Variants in ABLIM1 observed in about 807,000 individuals in gnomAD.
ABLIM1 encodes actin-binding LIM protein 1.
A neutral mutation model predicts 107.0 loss-of-function variants in ABLIM1; 40 were observed. The ratio of observed to expected loss-of-function variants is 0.37; its 90% CI spans 0.29 to 0.49. The LOEUF (loss-of-function observed/expected upper bound fraction) is 0.49, where lower values mean the gene tolerates loss of function less well. ABLIM1 is among the 20% of genes least tolerant of loss of function. The probability of loss-of-function intolerance (pLI) is 0.97; values close to 1 mark genes in which losing one functional copy is unlikely to be tolerated. For synonymous variants in ABLIM1, 357 were observed against 357.3 expected (o/e 1.00, Z 0.01); for missense variants, 857 against 1,008.5 (o/e 0.85, Z 2.04).
chr10:114,440,562 C>T (rs2060042523), intron 19 of ABLIM1, among the ~76,000 whole-genome samples: 1 of 152,156 alleles, frequency 6.6e-6, no homozygotes, highest in Non-Finnish European at 1.5e-5. Flanking sequence ...TCTCCTGCCT[C>T]AGCCTCCCAA....
Position 114,441,029 on chromosome 10 carries a change from C to G in ABLIM1, c.2047G>C (p.Gly683Arg). The G allele has an allele frequency of 6.3e-7, 1 of 1,589,960 alleles. No individual in the cohort carries two copies. Among genetic ancestry groups the G allele is most frequent in the Non-Finnish European group, 8.6e-7 (1 of 1,167,060 alleles). ...AQYNSYGDVS[G>R]GVRDYQTLPD... Reference sequence around the variant, plus strand: ...ATGGGAGCCTCACCTCGCACTCCCCCGCTGACATCCCCATAGCTGTTATAC... The same window carrying G: ...ATGGGAGCCTCACCTCGCACTCCCCGGCTGACATCCCCATAGCTGTTATAC... The change falls in exon 19 of 23, where the codon GGG (glycine) becomes CGG (arginine). Residue 683 changes from glycine to arginine, a missense_variant. Coordinates refer to ENST00000533213, the MANE Select transcript of ABLIM1 (RefSeq NM_002313.7).
In ABLIM1 at chr10:114,440,109, A is replaced by G; in HGVS notation, c.2060-20T>C. 6.2e-7 allele frequency: 1 copy of G among 1,604,794 alleles called. No homozygotes were observed. The highest frequency in any genetic ancestry group is 8.5e-7 in the Non-Finnish European group (1 of 1,172,368). On this transcript the variant is annotated intron_variant, in intron 19 of 22. Coordinates refer to ENST00000533213, the MANE Select transcript of ABLIM1 (RefSeq NM_002313.7). ...GGTAATCTGAAAAGGAAAGGAAAAGAAAATATCATAAGGGAAAGACCATGG... is the reference window on the plus strand; with the variant it reads ...GGTAATCTGAAAAGGAAAGGAAAAGGAAATATCATAAGGGAAAGACCATGG...
chr10:114,648,898 G>A lies in ABLIM1; in HGVS notation c.244+9059C>T, dbSNP rs370427500. Reference sequence around the variant, plus strand: ...GCAGAGCCCAAAAGAGGAGAGGTCTGGAGAGACTCCACAGGAAAGTTTCAC... The same window carrying A: ...GCAGAGCCCAAAAGAGGAGAGGTCTAGAGAGACTCCACAGGAAAGTTTCAC... On this transcript the variant is annotated intron_variant, in intron 1 of 22. Transcript: ENST00000533213. Among the ~76,000 whole-genome samples the A allele has an allele frequency of 1.1e-4, 16 of 152,126 alleles. No individual in the cohort carries two copies. The East Asian group carries it at 2.5e-3, about 24-fold the overall frequency.
rs370342646 is a variant in ABLIM1 at position 114,597,656 on chromosome 10, C to T, written c.379+4171G>A. Among the ~76,000 whole-genome samples the T allele has an allele frequency of 2.6e-5, 4 of 152,228 alleles. No homozygotes were observed. The South Asian group carries it at 8.3e-4, about 32-fold the overall frequency. On this transcript the variant is annotated intron_variant, in intron 2 of 22. Transcript: ENST00000533213. ...AGGCTCTAGCTAATGAGAAATGTCT[C>T]GTGTCAGAGATGGCCTGAGAATACG...
chr10:114,550,478 G>A lies in ABLIM1; in HGVS notation c.674-2702C>T, dbSNP rs78404291. On this transcript the variant is annotated intron_variant, in intron 4 of 22. Transcript: ENST00000533213. ...TCTGATACAACCCCAGTCCCTCCCCGTGCACAGCCTCCCCCATTAGCAACA... is the reference window on the plus strand; with the variant it reads ...TCTGATACAACCCCAGTCCCTCCCCATGCACAGCCTCCCCCATTAGCAACA... 3.5e-3 allele frequency among the ~76,000 whole-genome samples: 536 copies of A among 151,988 alleles called. 5 individuals are homozygous for A. The highest frequency in any genetic ancestry group is 0.018 in the Admixed American group (277 of 15,264).
chr10:114,522,351 T>A (rs1274772171), intron 6 of ABLIM1, among the ~76,000 whole-genome samples: 1 of 152,112 alleles, frequency 6.6e-6, no homozygotes, highest in African/African-American at 2.4e-5. Context: ...AGGGCCAACA[T>A]CTTCTTTCAT....
intron 6 of ABLIM1, among the ~76,000 whole-genome samples, chr10:114,522,350 A>G (rs995818681): frequency 5.9e-5 from 9 of 152,174 alleles, no homozygotes; most frequent in African/African-American, 2.2e-4. Context: ...AAGGGCCAAC[A>G]TCTTCTTTCA....
intron 1 of ABLIM1, among the ~76,000 whole-genome samples, chr10:114,718,032 A>AAGGAAAGAAGGAAGGAAGGG: frequency 2.2e-5 from 2 of 93,006 alleles, no homozygotes; most frequent in South Asian, 7.2e-4. Flanking sequence ...GGAAGGAAGG[A>AAGGAAAGAAGGAAGGAAGGG]GAAAGAGAAA....
intron 1 of ABLIM1, among the ~76,000 whole-genome samples, chr10:114,730,288 C>T (rs1270762823): frequency 6.6e-6 from 1 of 151,308 alleles, no homozygotes; most frequent in Non-Finnish European, 1.5e-5. Context: ...ATCCCAGCTA[C>T]TCAGGAGGCT....
intron 4 of ABLIM1, among the ~76,000 whole-genome samples, chr10:114,549,624 T>C (rs991283474): frequency 6.6e-6 from 1 of 152,166 alleles, no homozygotes; most frequent in Admixed American, 6.5e-5. Context: ...AAGATTTTAT[T>C]CTACAAATAT....
At position 114,542,866 on chromosome 10, in the gene ABLIM1, C is replaced by T. The variant is rs1041319583; in HGVS notation, c.894+2139G>A. ...TGGGACCGCTCGGACTCCAAGCTCC[C>T]CATCAGGTGGGTCCCATCCACCTTC... On this transcript the variant is annotated intron_variant, in intron 6 of 22. Transcript: ENST00000533213. 4.4e-4 allele frequency among the ~76,000 whole-genome samples: 67 copies of T among 152,326 alleles called. 1 individual carries two copies. Among genetic ancestry groups the T allele is most frequent in the African/African-American group, 1.6e-3 (67 of 41,586 alleles).
At chr10:114,493,216 T>TC (rs2059238051) in intron 6 of ABLIM1, among the ~76,000 whole-genome samples, 3 of 152,130 alleles carry the variant, frequency 2.0e-5, no homozygotes. Context: ...CATTACTCAG[T>TC]CCTAAGTGCT....
chr10:114,780,682 T>C, the ABLIM1 span, among the ~76,000 whole-genome samples: 3 of 152,314 alleles, frequency 2.0e-5, no homozygotes, highest in South Asian at 4.1e-4. Context: ...TTGGGCCCAG[T>C]GCAGGAGCTC....
intron 2 of ABLIM1, among the ~76,000 whole-genome samples, chr10:114,580,771 A>G (rs1286089646): frequency 2.6e-5 from 4 of 152,182 alleles, no homozygotes; most frequent in African/African-American, 9.7e-5. Flanking sequence ...TACAAAGCAA[A>G]ACTTTCACAT....
At chr10:114,580,015 G>T (rs1173542066) in intron 2 of ABLIM1, among the ~76,000 whole-genome samples, 4 of 151,962 alleles carry the variant, frequency 2.6e-5, no homozygotes, top group African/African-American at 4.8e-5. Context: ...TTGATGAAAG[G>T]CCCAGACTTT....
chr10:114,617,879 C>T (rs2077228427), intron 1 of ABLIM1, among the ~76,000 whole-genome samples: 2 of 152,038 alleles, frequency 1.3e-5, no homozygotes, highest in East Asian at 1.9e-4. Flanking sequence ...TTTGGGAGTA[C>T]AAGGCAGTAG....
chr10:114,747,288 T>C (rs2082404468), intron 1 of ABLIM1, among the ~76,000 whole-genome samples: 1 of 152,146 alleles, frequency 6.6e-6, no homozygotes, highest in African/African-American at 2.4e-5. Context: ...AATGCTGAGA[T>C]TGAGGAATCT....
In ABLIM1 at chr10:114,747,954, C is replaced by A. The variant is rs201480182; in HGVS notation, c.-213+20107G>T. Among the ~76,000 whole-genome samples the A allele has an allele frequency of 3.4e-4, 52 of 152,280 alleles. 1 individual carries two copies. The East Asian group carries it at 9.7e-3, about 28-fold the overall frequency. ...ACTTGGGAGGCTGAGGCACGAGAAT[C>A]GCTTGAACTCGGGAGGCAGAGGTTG... On this transcript the variant is annotated intron_variant, in intron 1 of 15. Coordinates refer to the ABLIM1 transcript ENST00000651092.
At chr10:114,596,941 G>A (rs181058707) in intron 2 of ABLIM1, among the ~76,000 whole-genome samples, 3 of 152,296 alleles carry the variant, frequency 2.0e-5, no homozygotes, top group Admixed American at 2.0e-4. Context: ...AGGAGAGGCA[G>A]GTGGGAGGGA....
Sources: allele counts gnomAD v4.1 joint callset (sites outside exome capture counted in the v4.1 genomes callset), GRCh38; gene constraint gnomAD v4.1.1; transcripts MANE v1.5; gene names NCBI Gene and HGNC (gene_info 2026-07-23, HGNC 2026-07-21).